The following TOP6BL variants were observed in gnomAD, a reference collection of about 807,000 sequenced individuals.
TOP6BL encodes TOP6B like initiator of meiotic double strand breaks, also known as type 2 DNA topoisomerase 6 subunit B-like.
the TOP6BL span, among the ~76,000 whole-genome samples, chr11:66,836,632 C>A: frequency 4.5e-4 from 67 of 150,048 alleles, no homozygotes; most frequent in African/African-American, 1.6e-3. Context: ...GTGGGAGGAT[C>A]GCTTGAGCCC....
chr11:66,818,191 T>C, the TOP6BL span, among the ~76,000 whole-genome samples: 1 of 152,176 alleles, frequency 6.6e-6, no homozygotes, highest in Non-Finnish European at 1.5e-5. Context: ...TCAAAAGAGC[T>C]CATGTTGACT....
the TOP6BL span, among the ~76,000 whole-genome samples, chr11:66,773,133 G>A: frequency 5.9e-5 from 9 of 152,004 alleles, no homozygotes; most frequent in East Asian, 1.9e-4. Flanking sequence ...ATGGTGGGGC[G>A]ATCTCAGCTC....
At chr11:66,776,444 C>A in the TOP6BL span, among the ~76,000 whole-genome samples, 1 of 152,148 alleles carries the variant, frequency 6.6e-6, no homozygotes, top group Non-Finnish European at 1.5e-5. Flanking sequence ...TATTAGGCAT[C>A]TGTCTTGCTT....
chr11:66,843,361 C>T, the TOP6BL span: 11 of 1,426,922 alleles, frequency 7.7e-6, no homozygotes, highest in East Asian at 2.4e-4. Flanking sequence ...CGGGCCCGGG[C>T]GGGGCGGGGC....
the TOP6BL span, among the ~76,000 whole-genome samples, chr11:66,777,103 A>C: frequency 6.7e-6 from 1 of 150,132 alleles, no homozygotes; most frequent in Non-Finnish European, 1.5e-5. Flanking sequence ...ATCTATATCT[A>C]TATATCTATA....
the TOP6BL span, among the ~76,000 whole-genome samples, chr11:66,767,343 T>G: frequency 0.011 from 1,650 of 152,290 alleles, 37 homozygotes; most frequent in African/African-American, 0.037. Context: ...ATAAATGTCT[T>G]TTAGTGAAAC....
the TOP6BL span, among the ~76,000 whole-genome samples, chr11:66,835,284 G>A: frequency 6.6e-6 from 1 of 151,648 alleles, no homozygotes; most frequent in Non-Finnish European, 1.5e-5. Context: ...TCTGTCTCAA[G>A]ATAAAAATAT....
At chr11:66,810,250 G>A in the TOP6BL span, among the ~76,000 whole-genome samples, 1 of 152,170 alleles carries the variant, frequency 6.6e-6, no homozygotes, top group Non-Finnish European at 1.5e-5. Flanking sequence ...TATAAGAAAT[G>A]TTAACAGAAA....
At chr11:66,800,444 A>G in the TOP6BL span, among the ~76,000 whole-genome samples, 1 of 152,260 alleles carries the variant, frequency 6.6e-6, no homozygotes, top group African/African-American at 2.4e-5. Context: ...ACTTGATTTA[A>G]TCATTCCACA....
chr11:66,841,024 C>G, the TOP6BL span, among the ~76,000 whole-genome samples: 2 of 152,000 alleles, frequency 1.3e-5, no homozygotes, highest in Admixed American at 6.5e-5. Context: ...AGTTTCCTCT[C>G]TCCTGACTAA....
chr11:66,765,884 A>G, the TOP6BL span, among the ~76,000 whole-genome samples: 1 of 152,222 alleles, frequency 6.6e-6, no homozygotes, highest in African/African-American at 2.4e-5. Flanking sequence ...GTGAAGAATA[A>G]GACAGGAATC....
the TOP6BL span, chr11:66,796,271 A>C: frequency 6.3e-7 from 1 of 1,597,148 alleles, no homozygotes; most frequent in Non-Finnish European, 8.6e-7. Flanking sequence ...TTTTTGTTGT[A>C]TTATTACAGG....
At chr11:66,818,744 G>A in the TOP6BL span, among the ~76,000 whole-genome samples, 1 of 152,166 alleles carries the variant, frequency 6.6e-6, no homozygotes, top group African/African-American at 2.4e-5. Context: ...CCTTCTGGCA[G>A]GCTTTTTTTA....
At chr11:66,827,966 GAA>G in the TOP6BL span, among the ~76,000 whole-genome samples, 508 of 30,024 alleles carry the variant, frequency 0.017, no homozygotes, top group African/African-American at 0.055. Context: ...CTCTGTCTCA[GAA>G]AAAAAAAAAA....
chr11:66,758,997 T>C, the TOP6BL span: 3 of 1,378,206 alleles, frequency 2.2e-6, no homozygotes, highest in Middle Eastern at 1.8e-4. Flanking sequence ...TTCAATAGAA[T>C]GCATTTACTT....
chr11:66,812,891 CACAGG>C, the TOP6BL span, among the ~76,000 whole-genome samples: 1 of 152,110 alleles, frequency 6.6e-6, no homozygotes, highest in African/African-American at 2.4e-5. Context: ...TCCTATAGTG[CACAGG>C]ACTGCCCACC....
At chr11:66,746,229 A>T in the TOP6BL span, among the ~76,000 whole-genome samples, 1 of 152,172 alleles carries the variant, frequency 6.6e-6, no homozygotes, top group Admixed American at 6.5e-5. Flanking sequence ...CCCTGCCTTT[A>T]AAAAGGGGGT....
chr11:66,836,240 G>C, the TOP6BL span, among the ~76,000 whole-genome samples: 39 of 152,086 alleles, frequency 2.6e-4, no homozygotes, highest in South Asian at 8.1e-3. Flanking sequence ...TTGTTGAGAC[G>C]GAGTCTCACT....
the TOP6BL span, among the ~76,000 whole-genome samples, chr11:66,838,976 C>T: frequency 6.6e-6 from 1 of 152,354 alleles, no homozygotes; most frequent in East Asian, 1.9e-4. Flanking sequence ...TGTGATCCGC[C>T]TGCCTTGGCC....
Sources: gnomAD v4.1 joint callset for allele counts (sites outside exome capture counted in the v4.1 genomes callset) on GRCh38, gnomAD v4.1.1 for gene constraint, MANE v1.5 for transcripts, NCBI Gene and HGNC (gene_info 2026-07-23, HGNC 2026-07-21) for gene names.